Variants in SYK observed in about 807,000 individuals in gnomAD.
The protein encoded by SYK is spleen associated tyrosine kinase.
A neutral mutation model predicts 77.8 loss-of-function variants in SYK; 16 were observed. That is an observed-to-expected ratio of 0.21 (90% CI 0.14 to 0.31). The LOEUF is 0.31. SYK is among the 10% of genes least tolerant of loss of function. The probability of loss-of-function intolerance (pLI) is 1.00; values close to 1 mark genes in which losing one functional copy is unlikely to be tolerated. For missense variants in SYK, 529 were observed against 814.4 expected, an observed-to-expected ratio of 0.65 and a Z score of 4.26; for synonymous variants, 312 against 308.7, an observed-to-expected ratio of 1.01 and a Z score of -0.11.
At chr9:90,817,224 A>C (rs997499021) in intron 1 of SYK, among the ~76,000 whole-genome samples, 1 of 152,226 alleles carries the variant, frequency 6.6e-6, no homozygotes, top group African/African-American at 2.4e-5. Flanking sequence ...TTCCTGGATA[A>C]GATGCTCTTT....
chr9:90,871,960 C>A (rs1468632973), intron 7 of SYK, among the ~76,000 whole-genome samples: 1 of 152,140 alleles, frequency 6.6e-6, no homozygotes, highest in Non-Finnish European at 1.5e-5. Flanking sequence ...TATCCATAAG[C>A]CAAGATAGAC....
intron 7 of SYK, among the ~76,000 whole-genome samples, chr9:90,870,602 A>T (rs1402999491): frequency 6.6e-6 from 1 of 152,184 alleles, no homozygotes; most frequent in Non-Finnish European, 1.5e-5. Context: ...CAGATTTTAG[A>T]TCTTCACTGT....
At chr9:90,819,910 A>G (rs1825445411) in intron 1 of SYK, among the ~76,000 whole-genome samples, 1 of 152,224 alleles carries the variant, frequency 6.6e-6, no homozygotes, top group Admixed American at 6.5e-5. Flanking sequence ...CAAGCTAGTT[A>G]CTTCCTAGAT....
At chr9:90,854,085 GTGGTGCCCTGAGACCATTT>G (rs1826926574) in intron 3 of SYK, among the ~76,000 whole-genome samples, 1 of 152,102 alleles carries the variant, frequency 6.6e-6, no homozygotes, top group Non-Finnish European at 1.5e-5. Flanking sequence ...TCATGGTCAC[GTGGTGCCCTGAGACCATTT>G]TGGTGCCCTG....
At chr9:90,807,121 A>T (rs1824869613) in intron 1 of SYK, among the ~76,000 whole-genome samples, 1 of 152,222 alleles carries the variant, frequency 6.6e-6, no homozygotes, top group African/African-American at 2.4e-5. Flanking sequence ...ACATGCACAG[A>T]GATTCTCTGA....
intron 3 of SYK, among the ~76,000 whole-genome samples, chr9:90,855,050 C>T (rs140573415): frequency 5.8e-4 from 69 of 118,318 alleles, no homozygotes; most frequent in African/African-American, 1.5e-3. Context: ...TTGAGAACCG[C>T]GGCTGCATAT....
intron 1 of SYK, among the ~76,000 whole-genome samples, chr9:90,805,395 G>C (rs1338508073): frequency 6.6e-6 from 1 of 152,212 alleles, no homozygotes; most frequent in Non-Finnish European, 1.5e-5. Context: ...CTGGGATGCA[G>C]ATGAGAGATG....
At position 90,887,908 on chromosome 9, in the gene SYK, A is replaced by G; in HGVS notation, c.1722+19A>G. 2 of 1,561,960 alleles carry G rather than the reference A, an allele frequency of 1.3e-6. No homozygotes were observed. The highest frequency in any genetic ancestry group is 8.7e-7 in the Non-Finnish European group (1 of 1,149,888). ...ATATCGAGTGAGCCAGTCCTGCTTCATTTTCTCACTGTGGGGCCATTAGAA... is the reference window on the plus strand; with the variant it reads ...ATATCGAGTGAGCCAGTCCTGCTTCGTTTTCTCACTGTGGGGCCATTAGAA... On this transcript the variant is annotated intron_variant, in intron 12 of 13. Coordinates refer to ENST00000375754, the MANE Select transcript of SYK (RefSeq NM_003177.7).
chr9:90,839,618 A>C (rs947595185), intron 1 of SYK, among the ~76,000 whole-genome samples: 2 of 152,112 alleles, frequency 1.3e-5, no homozygotes, highest in African/African-American at 4.8e-5. Context: ...AATAGTAGCT[A>C]TGTTAAGATT....
chr9:90,868,684 A>G (rs529299597), intron 7 of SYK, among the ~76,000 whole-genome samples: 78 of 152,288 alleles, frequency 5.1e-4, no homozygotes, highest in African/African-American at 1.8e-3. Flanking sequence ...CTATGATCCA[A>G]ATTTTAAAAG....
intron 11 of SYK, among the ~76,000 whole-genome samples, chr9:90,885,666 A>C (rs532779414): frequency 1.8e-4 from 28 of 152,348 alleles, no homozygotes; most frequent in African/African-American, 6.7e-4. Flanking sequence ...CTAGACATCC[A>C]GATGCAGGAG....
rs770926776 is a variant in SYK, at chr9:90,845,426, T to C, written c.418-8T>C. 1.9e-6 allele frequency: 3 copies of C among 1,612,600 alleles called. No individual in the cohort carries two copies. Among genetic ancestry groups the C allele is most frequent in the South Asian group, 2.2e-5 (2 of 90,872 alleles). On this transcript the variant is annotated splice_polypyrimidine_tract_variant and splice_region_variant and intron_variant, in intron 2 of 13. Coordinates refer to ENST00000375754, the MANE Select transcript of SYK (RefSeq NM_003177.7). ...ATGGTTTACTCTGCTTTGCTCTCCATGTGGCAGGGTCAGGCTCTGGAGCAG... is the reference window on the plus strand; with the variant it reads ...ATGGTTTACTCTGCTTTGCTCTCCACGTGGCAGGGTCAGGCTCTGGAGCAG...
intron 1 of SYK, among the ~76,000 whole-genome samples, chr9:90,840,906 G>C (rs978337666): frequency 6.6e-6 from 1 of 152,216 alleles, no homozygotes; most frequent in African/African-American, 2.4e-5. Flanking sequence ...AAACTCTGTC[G>C]CCTGTGTCAG....
intron 4 of SYK, among the ~76,000 whole-genome samples, chr9:90,863,256 C>T (rs1405670636): frequency 2.0e-5 from 3 of 152,114 alleles, no homozygotes; most frequent in East Asian, 1.9e-4. Flanking sequence ...GAAAGCCAAC[C>T]GACTCTGCCA....
chr9:90,839,054 G>C (rs1292028858), intron 1 of SYK, among the ~76,000 whole-genome samples: 2 of 152,206 alleles, frequency 1.3e-5, no homozygotes, highest in Non-Finnish European at 2.9e-5. Flanking sequence ...AAGTGGAGCT[G>C]AGAACAGCAG....
chr9:90,823,457 G>A (rs1825581732), intron 1 of SYK, among the ~76,000 whole-genome samples: 1 of 152,212 alleles, frequency 6.6e-6, no homozygotes, highest in Non-Finnish European at 1.5e-5. Flanking sequence ...TTCTTCTCAA[G>A]CTCACTTGGA....
At chr9:90,828,386 C>T (rs1407792969) in intron 1 of SYK, among the ~76,000 whole-genome samples, 2 of 152,160 alleles carry the variant, frequency 1.3e-5, no homozygotes, top group Non-Finnish European at 1.5e-5. Context: ...ATAGTAAGAT[C>T]TATCAGGCAT....
At chr9:90,833,091 G>C (rs1034293909) in intron 1 of SYK, among the ~76,000 whole-genome samples, 1 of 152,202 alleles carries the variant, frequency 6.6e-6, no homozygotes. Context: ...TCCCCAGAGT[G>C]AGCAATCCAA....
chr9:90,855,574 GGACT>G (rs1157870116), intron 3 of SYK, among the ~76,000 whole-genome samples: 1 of 152,070 alleles, frequency 6.6e-6, no homozygotes, highest in Non-Finnish European at 1.5e-5. Context: ...AAACTTCTCT[GGACT>G]GTCTATTCTT....
Sources: gnomAD v4.1 joint callset for allele counts (sites outside exome capture counted in the v4.1 genomes callset) on GRCh38, gnomAD v4.1.1 for gene constraint, MANE v1.5 for transcripts, NCBI Gene and HGNC (gene_info 2026-07-23, HGNC 2026-07-21) for gene names.